Variants in NRG2 observed in about 807,000 individuals in gnomAD.
The protein encoded by NRG2 is neuregulin 2, also known as pro-neuregulin-2, membrane-bound isoform.
NRG2 carries 27 observed loss-of-function variants against 73.9 expected under a neutral mutation model. The ratio of observed to expected loss-of-function variants is 0.37; its 90% CI spans 0.27 to 0.50. The LOEUF is 0.50. Ranked by LOEUF, NRG2 falls within the 20% of genes least tolerant of loss-of-function variation. The pLI is 0.96. For missense variants in NRG2, 1,126 were observed against 1,210.1 expected (o/e 0.93, Z 1.03); for synonymous variants, 532 against 541.0 (o/e 0.98, Z 0.23).
At chr5:140,018,103 T>G (rs1411949006) in intron 1 of NRG2, among the ~76,000 whole-genome samples, 2 of 152,156 alleles carry the variant, frequency 1.3e-5, no homozygotes, top group Non-Finnish European at 2.9e-5. Context: ...CCATGTGTTC[T>G]TGGTGGGCAA....
chr5:140,039,164 C>T (rs1001218498), intron 1 of NRG2, among the ~76,000 whole-genome samples: 1 of 152,144 alleles, frequency 6.6e-6, no homozygotes, highest in African/African-American at 2.4e-5. Context: ...ATTTTTTATG[C>T]TATTTACTGC....
Position 139,852,336 on chromosome 5 carries a change from G to C in NRG2, c.1544+96C>G, listed in dbSNP as rs1761493584. ...GATTCCTGTGGCAAGCTCAGGGGAGGGTATTGAATAGCTCTGGATGTCGGA... is the reference window on the plus strand; with the variant it reads ...GATTCCTGTGGCAAGCTCAGGGGAGCGTATTGAATAGCTCTGGATGTCGGA... On this transcript the variant is annotated intron_variant, in intron 8 of 9. Transcript: ENST00000361474. The surrounding 1 kb of genome is among the most constrained non-coding windows in gnomAD (Gnocchi z 4.4). 1.4e-6 allele frequency: 2 copies of C among 1,459,356 alleles called. No individual in the cohort carries two copies. Among genetic ancestry groups the C allele is most frequent in the Non-Finnish European group, 1.9e-6 (2 of 1,076,498 alleles). 90.4% of individuals were successfully genotyped at this position (1,459,356 alleles called of 1,614,324 possible).
intron 1 of NRG2, among the ~76,000 whole-genome samples, chr5:139,910,544 C>T (rs554188407): frequency 2.6e-5 from 4 of 152,332 alleles, no homozygotes; most frequent in Admixed American, 6.5e-5. Flanking sequence ...GCCTTTCTCA[C>T]GGGATTTCAG....
intron 1 of NRG2, among the ~76,000 whole-genome samples, chr5:139,955,973 G>T (rs1314105183): frequency 6.6e-6 from 1 of 152,192 alleles, no homozygotes; most frequent in Admixed American, 6.5e-5. Context: ...TACCACACAT[G>T]AGAATGTAGG....
At chr5:139,993,257 T>C (rs1757774473) in intron 1 of NRG2, among the ~76,000 whole-genome samples, 1 of 152,172 alleles carries the variant, frequency 6.6e-6, no homozygotes, top group Admixed American at 6.5e-5. Flanking sequence ...AAATCCAAAA[T>C]TTTGACCATG....
chr5:139,935,585 T>C lies in NRG2; in HGVS notation c.701-48074A>G, dbSNP rs183695764. Among the ~76,000 whole-genome samples the C allele has an allele frequency of 8.0e-4, 122 of 152,302 alleles. 1 individual carries two copies. The highest frequency in any genetic ancestry group is 2.9e-3 in the African/African-American group (120 of 41,580). ...ATATATGGAAAAGCACCCAAATACT[T>C]ACATATTAAACAATAAATTTCTAAA... On this transcript the variant is annotated intron_variant, in intron 1 of 9. Transcript: ENST00000361474.
intron 1 of NRG2, among the ~76,000 whole-genome samples, chr5:139,906,499 T>C (rs1348532955): frequency 1.3e-5 from 2 of 152,156 alleles, no homozygotes; most frequent in African/African-American, 4.8e-5. Context: ...TCTCATACCT[T>C]TGCACATACT....
intron 1 of NRG2, among the ~76,000 whole-genome samples, chr5:139,998,333 G>A (rs1381251939): frequency 6.6e-6 from 1 of 152,152 alleles, no homozygotes; most frequent in Non-Finnish European, 1.5e-5. Context: ...CTGGAAAAGT[G>A]CTTCTATTAT....
At chr5:140,041,387 ACTGGATT>A (rs1761906234) in intron 1 of NRG2, among the ~76,000 whole-genome samples, 1 of 152,254 alleles carries the variant, frequency 6.6e-6, no homozygotes, top group Non-Finnish European at 1.5e-5. Context: ...AGAAGTAAGT[ACTGGATT>A]CAGGGACAAG....
chr5:140,007,578 C>T (rs1759011205), intron 1 of NRG2, among the ~76,000 whole-genome samples: 1 of 152,066 alleles, frequency 6.6e-6, no homozygotes, highest in African/African-American at 2.4e-5. Context: ...GTACATTCTC[C>T]TTCTGCATCT....
intron 5 of NRG2, chr5:139,864,869 G>A (rs1248903747): frequency 2.7e-5 from 16 of 582,416 alleles, no homozygotes; most frequent in Non-Finnish European, 4.3e-5. Context: ...CAGGCTGCCC[G>A]ACCCCAGAAG....
At chr5:139,991,969 T>G (rs1757663618) in intron 1 of NRG2, among the ~76,000 whole-genome samples, 1 of 152,190 alleles carries the variant, frequency 6.6e-6, no homozygotes, top group South Asian at 2.1e-4. Flanking sequence ...TCATAATAAG[T>G]CCTGATATTT....
intron 1 of NRG2, among the ~76,000 whole-genome samples, chr5:139,935,439 T>A (rs773040995): frequency 2.6e-5 from 4 of 152,182 alleles, no homozygotes; most frequent in Non-Finnish European, 5.9e-5. Context: ...AGAGAACATT[T>A]ACCAAATTAG....
At chr5:139,953,416 G>C (rs1333664578) in intron 1 of NRG2, among the ~76,000 whole-genome samples, 1 of 152,136 alleles carries the variant, frequency 6.6e-6, no homozygotes, top group Non-Finnish European at 1.5e-5. Flanking sequence ...CTTCTGGCAG[G>C]GAAGGCACTA....
chr5:139,858,882 A>G (rs1392022623), intron 5 of NRG2, among the ~76,000 whole-genome samples: 2 of 152,194 alleles, frequency 1.3e-5, no homozygotes, highest in Non-Finnish European at 2.9e-5. Flanking sequence ...ATGCACTCTT[A>G]CACACAAACT....
intron 1 of NRG2, among the ~76,000 whole-genome samples, chr5:139,989,871 C>A (rs1325342989): frequency 1.3e-5 from 2 of 151,270 alleles, no homozygotes; most frequent in East Asian, 3.9e-4. Context: ...TCACTGCAAG[C>A]TCCGCCTCCT....
chr5:139,917,814 CA>C (rs1751376043), intron 1 of NRG2, among the ~76,000 whole-genome samples: 1 of 152,026 alleles, frequency 6.6e-6, no homozygotes, highest in Non-Finnish European at 1.5e-5. Context: ...AAAATTTTTG[CA>C]AAATTTTTCT....
At chr5:139,997,273 C>G (rs1758093553) in intron 1 of NRG2, among the ~76,000 whole-genome samples, 1 of 152,064 alleles carries the variant, frequency 6.6e-6, no homozygotes, top group Middle Eastern at 3.2e-3. Context: ...TAGAAAAAAA[C>G]CCACCCTTCC....
intron 1 of NRG2, among the ~76,000 whole-genome samples, chr5:139,951,783 T>C (rs1015167264): frequency 3.3e-5 from 5 of 152,180 alleles, no homozygotes; most frequent in African/African-American, 1.2e-4. Context: ...ACCTAAGCCT[T>C]GCACCCTCCT....
Sources: gnomAD v4.1 joint callset for allele counts (sites outside exome capture counted in the v4.1 genomes callset) on GRCh38, gnomAD v4.1.1 for gene constraint, Gnocchi (gnomAD v3.1) non-coding constraint, MANE v1.5 for transcripts, NCBI Gene and HGNC (gene_info 2026-07-23, HGNC 2026-07-21) for gene names.